The following AP2B1 variants were observed in gnomAD, a reference collection of about 807,000 sequenced individuals.
AP2B1 encodes AP-2 complex subunit beta.
In AP2B1, 23 loss-of-function variants were observed where a neutral mutation model predicts 102.0. The observed-to-expected ratio is 0.23, with a 90% CI of 0.16 to 0.32. The LOEUF is 0.32. AP2B1 is among the 10% of genes least tolerant of loss of function. The pLI, the probability that AP2B1 is intolerant of heterozygous loss-of-function variation, is 1.00. For missense variants in AP2B1, 541 were observed against 1,157.4 expected (o/e 0.47, Z 7.73); for synonymous variants, 381 against 421.2 (o/e 0.90, Z 1.17).
Position 35,704,727 on chromosome 17 carries a change from A to G in AP2B1, c.2455-4497A>G, listed in dbSNP as rs373262992. Among the ~76,000 whole-genome samples, 42 of 152,322 alleles carry G rather than the reference A, an allele frequency of 2.8e-4. 1 individual carries two copies. The highest frequency in any genetic ancestry group is 3.4e-3 in the Middle Eastern group (1 of 294). On this transcript the variant is annotated intron_variant, in intron 18 of 21. Transcript: ENST00000610402. Reference sequence around the variant, plus strand: ...GTGCTAAGCTTAAGGAGAAGAAAATATTAAGCAGAAAGAACAACATATAGG... The same window carrying G: ...GTGCTAAGCTTAAGGAGAAGAAAATGTTAAGCAGAAAGAACAACATATAGG...
At chr17:35,697,749 G>A (rs1447958331) in intron 18 of AP2B1, among the ~76,000 whole-genome samples, 14 of 152,142 alleles carry the variant, frequency 9.2e-5, no homozygotes, top group Admixed American at 9.2e-4. Flanking sequence ...ATCACTTGAG[G>A]TCAGGAGTTC....
intron 1 of AP2B1, among the ~76,000 whole-genome samples, chr17:35,592,508 A>G (rs1415339962): frequency 6.6e-6 from 1 of 151,952 alleles, no homozygotes; most frequent in Non-Finnish European, 1.5e-5. Context: ...ACATGCCACC[A>G]TGCCTGAGCC....
At chr17:35,602,194 A>AT (rs1480222693) in intron 3 of AP2B1, among the ~76,000 whole-genome samples, 1 of 152,138 alleles carries the variant, frequency 6.6e-6, no homozygotes, top group African/African-American at 2.4e-5. Flanking sequence ...TGCCTTCATG[A>AT]TTTTTACTGT....
At chr17:35,595,321 A>T (rs1341242275) in intron 2 of AP2B1, among the ~76,000 whole-genome samples, 4 of 152,066 alleles carry the variant, frequency 2.6e-5, no homozygotes, top group Admixed American at 2.6e-4. Context: ...AGACAGGAGG[A>T]TTGTTTGAGT....
At chr17:35,649,459 G>A (rs1486006261) in intron 12 of AP2B1, among the ~76,000 whole-genome samples, 2 of 152,026 alleles carry the variant, frequency 1.3e-5, no homozygotes, top group Non-Finnish European at 2.9e-5. Context: ...TAGTAGATAC[G>A]GGGTTTCACT....
At chr17:35,588,200 G>T (rs1425327267) in intron 1 of AP2B1, among the ~76,000 whole-genome samples, 1 of 132,416 alleles carries the variant, frequency 7.6e-6, no homozygotes, top group Non-Finnish European at 1.6e-5. Context: ...ATTTGTTCAT[G>T]CTGCTTGTTT....
chr17:35,602,179 C>T (rs2073511540), intron 3 of AP2B1, among the ~76,000 whole-genome samples: 1 of 152,142 alleles, frequency 6.6e-6, no homozygotes, highest in African/African-American at 2.4e-5. Flanking sequence ...TAGTGGATGT[C>T]TGTTTGCCTT....
chr17:35,689,410 C>T (rs943087250), intron 18 of AP2B1, among the ~76,000 whole-genome samples: 4 of 152,116 alleles, frequency 2.6e-5, no homozygotes, highest in Admixed American at 2.6e-4. Context: ...GGATTCCTGA[C>T]CTTGGGTGAT....
At chr17:35,720,573 A>ATATTTT (rs1324333805) in intron 21 of AP2B1, among the ~76,000 whole-genome samples, 11 of 28,068 alleles carry the variant, frequency 3.9e-4, no homozygotes, top group East Asian at 1.2e-3. Flanking sequence ...ATATATATAT[A>ATATTTT]TTTTTTTTTT....
intron 14 of AP2B1, among the ~76,000 whole-genome samples, chr17:35,658,660 A>C (rs1282473908): frequency 6.6e-6 from 1 of 152,198 alleles, no homozygotes; most frequent in Non-Finnish European, 1.5e-5. Context: ...CCCAATGACT[A>C]TAAAGATGCC....
chr17:35,624,432 C>G lies in AP2B1; in HGVS notation c.561C>G (p.Ile187Met), dbSNP rs1396803580. Residue 187 changes from isoleucine to methionine, a missense_variant, in exon 6 of 22, where the codon ATC becomes ATG. Coordinates refer to ENST00000610402, the MANE Select transcript of AP2B1 (RefSeq NM_001030006.2). Reference sequence around the variant, plus strand: ...ATGCCGTAGCGGCATTATCTGAAATCAGTGAGTCTCACCCAAACAGCAACT... The same window carrying G: ...ATGCCGTAGCGGCATTATCTGAAATGAGTGAGTCTCACCCAAACAGCAACT... ...VANAVAALSEISESHPNSNLL... is the reference protein window; with the variant it reads ...VANAVAALSEMSESHPNSNLL... 1 of 1,614,048 alleles carries G rather than the reference C, an allele frequency of 6.2e-7. No individual in the cohort carries two copies. The highest frequency in any genetic ancestry group is 1.7e-5 in the Admixed American group (1 of 59,998).
chr17:35,720,558 T>A (rs2159636), intron 21 of AP2B1, among the ~76,000 whole-genome samples: 3,999 of 57,566 alleles, frequency 0.069, 217 homozygotes, highest in East Asian at 0.24. Context: ...TATATATATA[T>A]ATATATATAT....
At chr17:35,645,823 T>C (rs2074917765) in intron 12 of AP2B1, among the ~76,000 whole-genome samples, 1 of 152,148 alleles carries the variant, frequency 6.6e-6, no homozygotes, top group Admixed American at 6.6e-5. Flanking sequence ...CACTCCAGCC[T>C]GGGCAAGAAG....
rs57852031 is a variant in AP2B1 at position 35,718,312 on chromosome 17, CTGTGTGTGTGTG to C, written c.2781+998_2781+1009del. Among the ~76,000 whole-genome samples, 357 of 139,348 alleles carry C rather than the reference CTGTGTGTGTGTG, an allele frequency of 2.6e-3. 1 individual carries two copies. Among genetic ancestry groups the C allele is most frequent in the South Asian group, 8.1e-3 (34 of 4,190 alleles). 91.4% of individuals were successfully genotyped at this position (139,348 alleles called of 152,430 possible). On this transcript the variant is annotated intron_variant, in intron 21 of 21. Transcript: ENST00000610402. The stretch of plus-strand genomic sequence containing the variant: ...CCATCCTTGTAGTAAGTTGGAGTAG[CTGTGTGTGTGTG>C]TGTGTGTGTGTGTGTGTGTGTGTGT...
intron 14 of AP2B1, among the ~76,000 whole-genome samples, chr17:35,668,548 T>A (rs1225901447): frequency 6.6e-6 from 1 of 152,212 alleles, no homozygotes; most frequent in Non-Finnish European, 1.5e-5. Flanking sequence ...TTGACATAGT[T>A]ATTAGTATTC....
chr17:35,591,038 G>T (rs2073078875), intron 1 of AP2B1, among the ~76,000 whole-genome samples: 2 of 151,980 alleles, frequency 1.3e-5, no homozygotes, highest in South Asian at 4.1e-4. Context: ...GCTGGGCGTG[G>T]TAGTGGGTGC....
chr17:35,594,024 C>T lies in AP2B1; in HGVS notation c.-7C>T. 1.3e-6 allele frequency: 2 copies of T among 1,582,884 alleles called. No individual in the cohort carries two copies. Among genetic ancestry groups the T allele is most frequent in the East Asian group, 4.6e-5 (2 of 43,518 alleles). ...TTGCTATAGGTGCACATTAAAGATC[C>T]AAAGTCATGACTGACTCCAAGTATT... On this transcript the variant is annotated 5_prime_UTR_variant, in exon 2 of 22. Transcript: ENST00000610402.
At chr17:35,684,860 C>T (rs188551067) in intron 18 of AP2B1, among the ~76,000 whole-genome samples, 2 of 152,100 alleles carry the variant, frequency 1.3e-5, no homozygotes, top group African/African-American at 4.8e-5. Context: ...TCACAGAAAC[C>T]AGGGCAAATT....
chr17:35,608,362 A>G lies in AP2B1; in HGVS notation c.500A>G (p.Asp167Gly). The G allele has an allele frequency of 6.2e-7, 1 of 1,614,192 alleles. No homozygotes were observed. The highest frequency in any genetic ancestry group is 8.5e-7 in the Non-Finnish European group (1 of 1,180,040). ...EDQGFLDSLR[D>G]LIADSNPMVV... ...CAGGGATTTCTGGATTCTCTACGGG[A>G]TCTCATAGCAGATTCAAATCCAATG... Residue 167 changes from aspartate (D) to glycine (G), a missense_variant, in exon 5 of 22, where the codon GAT (aspartate) becomes GGT (glycine). Physicochemically the swap from Asp to Gly is moderately conservative, Grantham distance 94 (BLOSUM62 -1). Coordinates refer to ENST00000610402, the MANE Select transcript of AP2B1 (RefSeq NM_001030006.2).
Sources: allele counts gnomAD v4.1 joint callset (sites outside exome capture counted in the v4.1 genomes callset), GRCh38; gene constraint gnomAD v4.1.1; transcripts MANE v1.5; gene names NCBI Gene and HGNC (gene_info 2026-07-23, HGNC 2026-07-21).